Variants in NEGR1 observed in about 807,000 individuals in gnomAD.
NEGR1 encodes IgLON family member 4.
A neutral mutation model predicts 40.9 loss-of-function variants in NEGR1; 10 were observed. That is an observed-to-expected ratio of 0.24 (90% CI 0.15 to 0.42). The LOEUF (loss-of-function observed/expected upper bound fraction) is 0.42. Among genes scored for constraint, NEGR1 ranks in the 10% least tolerant of loss-of-function variants. NEGR1 has a pLI of 1.00. For missense variants in NEGR1, 352 were observed against 438.9 expected (o/e 0.80, Z 1.77); for synonymous variants, 185 against 166.8 (o/e 1.11, Z -0.84).
intron 3 of NEGR1, among the ~76,000 whole-genome samples, chr1:71,756,579 C>A (rs1242093345): frequency 4.6e-5 from 7 of 151,976 alleles, no homozygotes; most frequent in Admixed American, 1.3e-4. Context: ...CAGTTGTAAT[C>A]AACTCCACAG....
At chr1:72,215,958 C>A (rs1442485615) in intron 1 of NEGR1, among the ~76,000 whole-genome samples, 1 of 151,748 alleles carries the variant, frequency 6.6e-6, no homozygotes, top group African/African-American at 2.4e-5. Context: ...TGGAACCAAC[C>A]CAAATGCCCA....
At chr1:72,046,195 A>AAATGC (rs1647000525) in intron 1 of NEGR1, among the ~76,000 whole-genome samples, 2 of 151,684 alleles carry the variant, frequency 1.3e-5, no homozygotes, top group Admixed American at 1.3e-4. Context: ...AATAGAGCAA[A>AAATGC]AATGCAAAAA....
chr1:72,040,961 C>T (rs1003714406), intron 1 of NEGR1, among the ~76,000 whole-genome samples: 7 of 151,900 alleles, frequency 4.6e-5, no homozygotes, highest in East Asian at 1.9e-4. Context: ...AGACATCAAC[C>T]TAATAACCTG....
intron 3 of NEGR1, among the ~76,000 whole-genome samples, chr1:71,735,160 A>G (rs956625045): frequency 6.6e-6 from 1 of 152,038 alleles, no homozygotes; most frequent in Non-Finnish European, 1.5e-5. Flanking sequence ...TGAGTTTTTC[A>G]TTTCTTGATC....
intron 4 of NEGR1, among the ~76,000 whole-genome samples, chr1:71,638,231 A>G (rs1428862936): frequency 6.6e-6 from 1 of 152,020 alleles, no homozygotes; most frequent in Admixed American, 6.6e-5. Flanking sequence ...GCCCCGTGAC[A>G]TCCTTCCACG....
intron 1 of NEGR1, chr1:72,274,794 T>G: frequency 6.9e-7 from 1 of 1,447,798 alleles, no homozygotes; most frequent in Non-Finnish European, 9.7e-7. Context: ...GTGTAAAAGA[T>G]CGGGTAGAAA....
chr1:71,574,198 T>C (rs1648890138), intron 6 of NEGR1, among the ~76,000 whole-genome samples: 1 of 152,196 alleles, frequency 6.6e-6, no homozygotes, highest in Admixed American at 6.5e-5. Context: ...TGTACACACA[T>C]CCATAATGGC....
At chr1:72,004,794 C>T (rs1037641769) in intron 1 of NEGR1, among the ~76,000 whole-genome samples, 8 of 151,968 alleles carry the variant, frequency 5.3e-5, no homozygotes, top group Non-Finnish European at 4.4e-5. Context: ...TTTAGGGAAC[C>T]ACTGCATAAT....
chr1:71,983,297 T>C (rs1380711998), intron 1 of NEGR1, among the ~76,000 whole-genome samples: 1 of 152,174 alleles, frequency 6.6e-6, no homozygotes, highest in Admixed American at 6.5e-5. Flanking sequence ...TTAACTTCAA[T>C]ACATTGATGA....
intron 1 of NEGR1, among the ~76,000 whole-genome samples, chr1:72,057,135 A>T (rs560905525): frequency 6.6e-6 from 1 of 151,546 alleles, no homozygotes; most frequent in African/African-American, 2.4e-5. Flanking sequence ...GGCATTATTG[A>T]TGGTTCACAA....
At chr1:71,606,348 C>T (rs1190260244) in intron 5 of NEGR1, among the ~76,000 whole-genome samples, 1 of 152,082 alleles carries the variant, frequency 6.6e-6, no homozygotes, top group Non-Finnish European at 1.5e-5. Flanking sequence ...ATTCTCCAGC[C>T]CCAGTCAAGC....
intron 1 of NEGR1, among the ~76,000 whole-genome samples, chr1:72,236,475 A>G (rs1654549927): frequency 6.6e-6 from 1 of 151,996 alleles, no homozygotes; most frequent in South Asian, 2.1e-4. Flanking sequence ...CCAAATGTGA[A>G]AACTTTGAAT....
intron 1 of NEGR1, among the ~76,000 whole-genome samples, chr1:72,156,567 T>A (rs1365389648): frequency 6.6e-6 from 1 of 152,156 alleles, no homozygotes; most frequent in Non-Finnish European, 1.5e-5. Context: ...AAATATTTCT[T>A]CAATAAATGC....
intron 1 of NEGR1, among the ~76,000 whole-genome samples, chr1:72,185,148 C>T (rs1389538172): frequency 1.3e-5 from 2 of 151,868 alleles, no homozygotes; most frequent in Non-Finnish European, 2.9e-5. Context: ...CTTCTAATCC[C>T]TCACTCTTCC....
At chr1:72,076,820 G>A (rs576038616) in intron 1 of NEGR1, among the ~76,000 whole-genome samples, 1 of 150,428 alleles carries the variant, frequency 6.6e-6, no homozygotes, top group East Asian at 2.0e-4. Context: ...TCAATGGGAG[G>A]AAAGCAAAAC....
chr1:71,567,539 G>C (rs1028381848), intron 6 of NEGR1, among the ~76,000 whole-genome samples: 1 of 151,996 alleles, frequency 6.6e-6, no homozygotes, highest in Non-Finnish European at 1.5e-5. Context: ...ATGATACTTA[G>C]AATAAAATTC....
At chr1:71,960,520 T>C (rs1471867306) in intron 1 of NEGR1, among the ~76,000 whole-genome samples, 1 of 152,226 alleles carries the variant, frequency 6.6e-6, no homozygotes, top group African/African-American at 2.4e-5. Context: ...AAAATTATCA[T>C]AGCATAAAAT....
At position 71,506,774 on chromosome 1, in the gene NEGR1, G is replaced by C. The variant is rs139770070; in HGVS notation, c.940+86043C>G. On this transcript the variant is annotated intron_variant, in intron 6 of 6. Transcript: ENST00000357731. ...GATGGGATAAGGCTGTTTGTGAATGGGTCATCCAAAGTGATGGATAAAAAA... is the reference window on the plus strand; with the variant it reads ...GATGGGATAAGGCTGTTTGTGAATGCGTCATCCAAAGTGATGGATAAAAAA... 6.5e-3 allele frequency among the ~76,000 whole-genome samples: 993 copies of C among 151,890 alleles called. 10 individuals are homozygous for C. Among genetic ancestry groups the C allele is most frequent in the Middle Eastern group, 0.024 (7 of 294 alleles).
intron 2 of NEGR1, among the ~76,000 whole-genome samples, chr1:71,856,253 A>G (rs1659757209): frequency 6.6e-6 from 1 of 152,062 alleles, no homozygotes; most frequent in African/African-American, 2.4e-5. Flanking sequence ...ATATAAGTTT[A>G]TAAGGAGCCA....
Sources: allele counts gnomAD v4.1 joint callset (sites outside exome capture counted in the v4.1 genomes callset), GRCh38; gene constraint gnomAD v4.1.1; transcripts MANE v1.5; gene names NCBI Gene and HGNC (gene_info 2026-07-23, HGNC 2026-07-21).